The following NAV2 variants were observed in gnomAD, a reference collection of about 807,000 sequenced individuals.
NAV2 encodes the protein neuron navigator 2.
Under a neutral mutation model 223.2 loss-of-function variants are expected in NAV2, and 54 were observed. The ratio of observed to expected loss-of-function variants is 0.24; its 90% confidence interval spans 0.19 to 0.30. The LOEUF (loss-of-function observed/expected upper bound fraction) is 0.30. Among genes scored for constraint, NAV2 ranks in the 10% least tolerant of loss-of-function variants. The pLI is 1.00. For synonymous variants in NAV2, 1,279 were observed against 1,239.3 expected (o/e 1.03, Z -0.67); for missense variants, 2,806 against 3,147.5 (o/e 0.89, Z 2.60).
chr11:19,897,886 T>TTTTATA (rs144642336), intron 6 of NAV2, among the ~76,000 whole-genome samples: 3 of 120,680 alleles, frequency 2.5e-5, no homozygotes, highest in South Asian at 6.3e-4. Flanking sequence ...GACCTGTGAT[T>TTTTATA]TATATATATA....
chr11:19,886,121 G>A (rs1004825351), intron 5 of NAV2, among the ~76,000 whole-genome samples: 1 of 151,338 alleles, frequency 6.6e-6, no homozygotes, highest in Non-Finnish European at 1.5e-5. Flanking sequence ...AGGACTACAG[G>A]CACATGCCTC....
chr11:19,832,679 A>C, intron 2 of NAV2, 78 bp downstream of exon 2: 1 of 1,113,428 alleles, frequency 9.0e-7, no homozygotes, highest in Non-Finnish European at 1.4e-6. Flanking sequence ...GGAACAGAGC[A>C]CTGAAATCTC....
intron 1 of NAV2, among the ~76,000 whole-genome samples, chr11:19,433,352 C>T (rs1354636628): frequency 6.6e-6 from 1 of 152,182 alleles, no homozygotes; most frequent in Non-Finnish European, 1.5e-5. Context: ...CTGGAATTCT[C>T]TAGAGGAAAT....
At chr11:19,850,015 C>T (rs2061023526) in intron 3 of NAV2, among the ~76,000 whole-genome samples, 1 of 152,170 alleles carries the variant, frequency 6.6e-6, no homozygotes, top group South Asian at 2.1e-4. Context: ...TTACCATCCT[C>T]TCCTGCCACT....
intron 1 of NAV2, among the ~76,000 whole-genome samples, chr11:19,403,517 C>T (rs937658835): frequency 6.6e-6 from 1 of 152,192 alleles, no homozygotes; most frequent in African/African-American, 2.4e-5. Context: ...AAAGGAACAA[C>T]TTGTTCAAAG....
intron 1 of NAV2, among the ~76,000 whole-genome samples, chr11:19,799,804 C>A (rs1565337843): frequency 6.6e-6 from 1 of 152,158 alleles, no homozygotes; most frequent in South Asian, 2.1e-4. Flanking sequence ...CTGCCCTGTT[C>A]TTTCCTTTCT....
intron 1 of NAV2, among the ~76,000 whole-genome samples, chr11:19,752,862 C>T (rs1016616349): frequency 1.3e-5 from 2 of 152,060 alleles, no homozygotes; most frequent in Admixed American, 6.6e-5. Flanking sequence ...AATTGTGTTC[C>T]CCCAAATTCA....
intron 14 of NAV2, 85 bp downstream of exon 14, chr11:20,045,755 C>T (rs2057365818): frequency 8.9e-7 from 1 of 1,121,606 alleles, no homozygotes; most frequent in Non-Finnish European, 1.3e-6. Flanking sequence ...TTGAAGCACC[C>T]TCTGTTTTTC....
intron 1 of NAV2, among the ~76,000 whole-genome samples, chr11:19,780,525 A>G (rs2056643263): frequency 6.6e-6 from 1 of 152,278 alleles, no homozygotes; most frequent in Non-Finnish European, 1.5e-5. Flanking sequence ...GCCTGTGCTA[A>G]TGCACGGAGT....
At chr11:19,975,798 C>T (rs1265492177) in intron 10 of NAV2, among the ~76,000 whole-genome samples, 3 of 152,208 alleles carry the variant, frequency 2.0e-5, no homozygotes, top group Non-Finnish European at 2.9e-5. Context: ...CCAGGATCTA[C>T]TTCTGCCCTG....
chr11:19,835,833 A>G (rs529429586), intron 2 of NAV2, among the ~76,000 whole-genome samples: 2 of 151,960 alleles, frequency 1.3e-5, no homozygotes, highest in Non-Finnish European at 1.5e-5. Context: ...TACTGACTTC[A>G]TCTTATACTG....
At chr11:19,854,427 C>A (rs1449113744) in intron 3 of NAV2, among the ~76,000 whole-genome samples, 7 of 152,028 alleles carry the variant, frequency 4.6e-5, no homozygotes, top group Non-Finnish European at 7.4e-5. Context: ...TGAACAGATG[C>A]CAACAGTTAG....
At chr11:19,464,515 C>T (rs1236386292) in intron 1 of NAV2, among the ~76,000 whole-genome samples, 1 of 152,212 alleles carries the variant, frequency 6.6e-6, no homozygotes, top group Non-Finnish European at 1.5e-5. Context: ...CAACCTTGGG[C>T]AAGTCCCTTC....
intron 4 of NAV2, among the ~76,000 whole-genome samples, chr11:19,869,713 C>T (rs983598728): frequency 6.6e-6 from 1 of 152,186 alleles, no homozygotes; most frequent in Non-Finnish European, 1.5e-5. Flanking sequence ...GCTGCACCTG[C>T]CTCCAGTTTT....
chr11:20,100,865 C>A, intron 31 of NAV2, 72 bp from the exon 32 acceptor site: 1 of 1,333,660 alleles, frequency 7.5e-7, no homozygotes, highest in South Asian at 1.2e-5. Context: ...TCTTGGCAGT[C>A]CCAGTTAGGC....
At chr11:19,467,012 CACACACAGAGAG>C (rs748404003) in intron 1 of NAV2, among the ~76,000 whole-genome samples, 1 of 134,364 alleles carries the variant, frequency 7.4e-6, no homozygotes. Context: ...CACACACACA[CACACACAGAGAG>C]AGAGAGAGAG....
intron 1 of NAV2, among the ~76,000 whole-genome samples, chr11:19,501,857 T>C (rs554534884): frequency 2.2e-4 from 33 of 152,136 alleles, no homozygotes; most frequent in Non-Finnish European, 3.5e-4. Flanking sequence ...GGGAAATTAA[T>C]TGTGGCATTC....
chr11:20,003,406 G>A (rs747834981), intron 11 of NAV2, among the ~76,000 whole-genome samples: 5 of 152,094 alleles, frequency 3.3e-5, no homozygotes, highest in African/African-American at 7.2e-5. Context: ...TCTTTTGTCC[G>A]GAATCACACA....
At chr11:20,107,518 A>C in intron 35 of NAV2, 146 bp from the exon 36 acceptor site, 2 of 669,124 alleles carry the variant, frequency 3.0e-6, no homozygotes, top group Non-Finnish European at 5.3e-6. Context: ...ATCCAGGGCT[A>C]GTATACCTGC....
Sources: allele counts gnomAD v4.1 joint callset (sites outside exome capture counted in the v4.1 genomes callset), GRCh38; gene constraint gnomAD v4.1.1; transcripts MANE v1.5; gene names NCBI Gene and HGNC (gene_info 2026-07-23, HGNC 2026-07-21).